The following GPR158 variants were observed in gnomAD, a reference collection of about 807,000 sequenced individuals.
GPR158 encodes metabotropic glycine receptor.
GPR158 carries 30 observed loss-of-function variants against 78.2 expected under a neutral mutation model. That is an observed-to-expected ratio of 0.38 (90% CI 0.29 to 0.52). The LOEUF (loss-of-function observed/expected upper bound fraction) is 0.52. Among genes scored for constraint, GPR158 ranks in the 20% least tolerant of loss-of-function variants. The pLI, the probability that GPR158 is intolerant of heterozygous loss-of-function variation, is 0.83. For synonymous variants in GPR158, 581 were observed against 591.1 expected (o/e 0.98, Z 0.25); for missense variants, 1,463 against 1,523.5 (o/e 0.96, Z 0.66).
At chr10:25,368,479 G>GA (rs1473141303) in intron 2 of GPR158, among the ~76,000 whole-genome samples, 4 of 151,662 alleles carry the variant, frequency 2.6e-5, no homozygotes, top group South Asian at 4.1e-4. Context: ...TGATCATATG[G>GA]AAAAAATCTC....
chr10:25,509,426 C>G (rs1270672854), intron 5 of GPR158, among the ~76,000 whole-genome samples: 1 of 152,172 alleles, frequency 6.6e-6, no homozygotes, highest in Non-Finnish European at 1.5e-5. Context: ...TTCTGACAAG[C>G]TACTGCAGAA....
At chr10:25,303,876 T>G (rs1157603575) in intron 2 of GPR158, among the ~76,000 whole-genome samples, 1 of 152,182 alleles carries the variant, frequency 6.6e-6, no homozygotes, top group Non-Finnish European at 1.5e-5. Flanking sequence ...ACACGCAGCA[T>G]GTGTATAAAA....
chr10:25,391,291 C>G (rs1442309915), intron 2 of GPR158, among the ~76,000 whole-genome samples: 1 of 152,198 alleles, frequency 6.6e-6, no homozygotes, highest in African/African-American at 2.4e-5. Context: ...GGACCACCAT[C>G]CTCCAGATCT....
At chr10:25,304,030 T>G (rs1431643163) in intron 2 of GPR158, among the ~76,000 whole-genome samples, 4 of 152,222 alleles carry the variant, frequency 2.6e-5, no homozygotes, top group Non-Finnish European at 5.9e-5. Flanking sequence ...TTCAGTTGTG[T>G]ATGTTATCTT....
chr10:25,276,653 C>T (rs1170131489), intron 2 of GPR158, among the ~76,000 whole-genome samples: 1 of 152,152 alleles, frequency 6.6e-6, no homozygotes, highest in African/African-American at 2.4e-5. Flanking sequence ...AACATTGTAA[C>T]TGGAATGAGA....
intron 5 of GPR158, among the ~76,000 whole-genome samples, chr10:25,528,925 A>G (rs977530349): frequency 6.6e-6 from 1 of 152,224 alleles, no homozygotes; most frequent in South Asian, 2.1e-4. Context: ...GAAATAGATC[A>G]ATGGGACAAA....
At chr10:25,428,136 T>C (rs1479453613) in intron 4 of GPR158, among the ~76,000 whole-genome samples, 2 of 152,086 alleles carry the variant, frequency 1.3e-5, no homozygotes, top group Admixed American at 1.3e-4. Context: ...AGCAAAACAA[T>C]GTTAAGGTAA....
chr10:25,561,983 A>G (rs9645526), intron 6 of GPR158, among the ~76,000 whole-genome samples: 40,809 of 151,734 alleles, frequency 0.27, 6,750 homozygotes, highest in Non-Finnish European at 0.37. Flanking sequence ...CCCTGGGGCT[A>G]TAAGAGACTG....
chr10:25,216,775 C>T (rs1225530551), intron 1 of GPR158, among the ~76,000 whole-genome samples: 1 of 152,008 alleles, frequency 6.6e-6, no homozygotes, highest in African/African-American at 2.4e-5. Flanking sequence ...TAATGTAAGG[C>T]ATGGTTTAGG....
chr10:25,503,991 A>G (rs1370932463), intron 5 of GPR158, among the ~76,000 whole-genome samples: 3 of 151,620 alleles, frequency 2.0e-5, no homozygotes, highest in Non-Finnish European at 4.4e-5. Context: ...CCCAGGTTCA[A>G]GCGATTCTCG....
intron 4 of GPR158, among the ~76,000 whole-genome samples, chr10:25,425,931 G>A (rs1022677410): frequency 6.6e-6 from 1 of 152,052 alleles, no homozygotes; most frequent in African/African-American, 2.4e-5. Flanking sequence ...CCAAGCTGCT[G>A]TTTCCTATCT....
intron 2 of GPR158, among the ~76,000 whole-genome samples, chr10:25,351,024 A>C (rs1261886470): frequency 6.6e-6 from 1 of 151,954 alleles, no homozygotes; most frequent in Non-Finnish European, 1.5e-5. Context: ...CTAGGAGAAA[A>C]TAGTCCACTC....
chr10:25,574,077 C>G (rs1188295475), intron 7 of GPR158, among the ~76,000 whole-genome samples: 1 of 128,744 alleles, frequency 7.8e-6, no homozygotes, highest in Non-Finnish European at 1.6e-5. Context: ...GCAGGTTAAC[C>G]AGATAGGAAA....
At position 25,498,290 on chromosome 10, in the gene GPR158, G is replaced by C. The variant is rs115644348; in HGVS notation, c.1404+31571G>C. 2.9e-3 allele frequency among the ~76,000 whole-genome samples: 441 copies of C among 152,272 alleles called. 2 individuals are homozygous for C. The highest frequency in any genetic ancestry group is 0.01 in the African/African-American group (426 of 41,556). ...AGATGCAGTTTGCCTATGTGTGTGC[G>C]TGTTGTGTAAAAATGCAGTCATTCA... is the stretch of plus-strand genomic sequence containing the variant. On this transcript the variant is annotated intron_variant, in intron 5 of 10. Transcript: ENST00000376351.
At chr10:25,490,627 C>A (rs867502861) in intron 5 of GPR158, among the ~76,000 whole-genome samples, 8 of 149,814 alleles carry the variant, frequency 5.3e-5, no homozygotes, top group South Asian at 2.2e-4. Context: ...TGAACTCATC[C>A]TTTTTTATGG....
intron 6 of GPR158, among the ~76,000 whole-genome samples, chr10:25,558,220 C>T (rs6482493): frequency 0.54 from 82,536 of 152,052 alleles, 24,350 homozygotes; most frequent in African/African-American, 0.77. Context: ...GTTATATGTG[C>T]GTGCGCACGT....
At position 25,551,070 on chromosome 10, in the gene GPR158, C is replaced by G. The variant is rs1836719635; in HGVS notation, c.1499C>G (p.Thr500Ser). 1 of 1,565,378 alleles carries G rather than the reference C, an allele frequency of 6.4e-7. No homozygotes were observed. The highest frequency in any genetic ancestry group is 1.4e-5 in the African/African-American group (1 of 73,984). ...LGFATVYGTV[T>S]LKLHRVLKVF... The stretch of plus-strand genomic sequence containing the variant: ...TTTGCTACTGTTTACGGAACTGTCA[C>G]TCTCAAACTTCACAGGTATATACAT... Residue 500 changes from threonine to serine, a missense_variant, in exon 6 of 11, where the codon ACT becomes AGT. Thr to Ser is a moderately conservative substitution (Grantham distance 58, BLOSUM62 1). Coordinates refer to ENST00000376351, the MANE Select transcript of GPR158 (RefSeq NM_020752.3).
chr10:25,392,574 C>T (rs1260099132), intron 2 of GPR158, among the ~76,000 whole-genome samples: 1 of 152,210 alleles, frequency 6.6e-6, no homozygotes, highest in Admixed American at 6.5e-5. Flanking sequence ...GGAGCAGCTA[C>T]CCTCATGGAG....
chr10:25,293,312 A>G (rs1392380453), intron 2 of GPR158, among the ~76,000 whole-genome samples: 3 of 152,192 alleles, frequency 2.0e-5, no homozygotes, highest in African/African-American at 7.2e-5. Flanking sequence ...GTAGCTGACC[A>G]TGAAACTGAA....
Sources: gnomAD v4.1 joint callset for allele counts (sites outside exome capture counted in the v4.1 genomes callset) on GRCh38, gnomAD v4.1.1 for gene constraint, MANE v1.5 for transcripts, NCBI Gene and HGNC (gene_info 2026-07-23, HGNC 2026-07-21) for gene names.